DPY19L1: variants seen among roughly 807,000 people sequenced by gnomAD.
DPY19L1 encodes dpy-19 like C-mannosyltransferase 1.
A neutral mutation model predicts 96.9 loss-of-function variants in DPY19L1; 35 were observed. The observed-to-expected ratio is 0.36, with a 90% CI of 0.28 to 0.48. The LOEUF (loss-of-function observed/expected upper bound fraction) is 0.48. Among genes scored for constraint, DPY19L1 ranks in the 20% least tolerant of loss-of-function variants. The probability of loss-of-function intolerance (pLI) is 0.99; values close to 1 mark genes in which losing one functional copy is unlikely to be tolerated. For synonymous variants in DPY19L1, 205 were observed against 252.6 expected, an observed-to-expected ratio of 0.81 and a Z score of 1.79; for missense variants, 521 against 777.9, an observed-to-expected ratio of 0.67 and a Z score of 3.93.
chr7:34,937,441 G>A (rs1365280496), intron 21 of DPY19L1, among the ~76,000 whole-genome samples: 1 of 152,084 alleles, frequency 6.6e-6, no homozygotes, highest in Non-Finnish European at 1.5e-5. Flanking sequence ...TCAGACCCTG[G>A]AAGTCTTTTG....
At position 34,965,454 on chromosome 7, in the gene DPY19L1, C is replaced by G. The variant is rs146252138; in HGVS notation, c.1092+1440G>C. ...AAAATATGTACTATTTAGTAATCCA[C>G]ATATTGTAAAGTTATAAAGAAAAGC... On this transcript the variant is annotated intron_variant, in intron 10 of 21. Transcript: ENST00000638088. Among the ~76,000 whole-genome samples, 329 of 152,168 alleles carry G rather than the reference C, an allele frequency of 2.2e-3. 2 individuals are homozygous for G. Among genetic ancestry groups the G allele is most frequent in the African/African-American group, 7.7e-3 (320 of 41,510 alleles).
At chr7:35,015,437 C>T (rs570123563) in intron 3 of DPY19L1, among the ~76,000 whole-genome samples, 1 of 152,148 alleles carries the variant, frequency 6.6e-6, no homozygotes, top group Non-Finnish European at 1.5e-5. Flanking sequence ...CCTGCCAAAA[C>T]CAAGATGGCA....
Position 35,004,895 on chromosome 7 carries a change from T to C in DPY19L1, c.764+5573A>G, listed in dbSNP as rs545313675. 4.7e-4 allele frequency among the ~76,000 whole-genome samples: 71 copies of C among 152,290 alleles called. 1 individual carries two copies. In the South Asian group the frequency reaches 0.013, roughly 28 times the overall value. On this transcript the variant is annotated intron_variant, in intron 6 of 21. Transcript: ENST00000638088. ...AATAATGAGACACTCCGCAGGGGCA[T>C]TGTTCTGTCTCCCCCAGGATGACTC... is the stretch of plus-strand genomic sequence containing the variant.
chr7:35,019,081 G>GT (rs1785928600), intron 1 of DPY19L1, among the ~76,000 whole-genome samples: 1 of 152,030 alleles, frequency 6.6e-6, no homozygotes, highest in Non-Finnish European at 1.5e-5. Context: ...AGAAGAAAAG[G>GT]TAAGAGAGAG....
intron 6 of DPY19L1, among the ~76,000 whole-genome samples, chr7:34,999,438 C>G (rs781420750): frequency 3.9e-5 from 6 of 152,222 alleles, no homozygotes; most frequent in African/African-American, 7.2e-5. Flanking sequence ...CTGTGACTCT[C>G]TTGGAAATTA....
At chr7:34,940,351 T>C (rs1063284) in intron 18 of DPY19L1, 24 bp from the exon 19 acceptor site, 111 of 1,596,612 alleles carry the variant, frequency 7.0e-5, no homozygotes, top group South Asian at 1.4e-4. Context: ...AAGAATACAT[T>C]GGTAATTGTT....
At chr7:35,004,832 A>C (rs1785514672) in intron 6 of DPY19L1, among the ~76,000 whole-genome samples, 1 of 152,202 alleles carries the variant, frequency 6.6e-6, no homozygotes, top group Non-Finnish European at 1.5e-5. Context: ...AATAAACAAA[A>C]GTCCAAGTAG....
chr7:34,934,066 T>C (rs145365956), intron 21 of DPY19L1, among the ~76,000 whole-genome samples: 1,997 of 152,168 alleles, frequency 0.013, 21 homozygotes, highest in Non-Finnish European at 0.023. Context: ...CAGGTTCACG[T>C]CATTCTCCTG....
At chr7:34,954,214 C>G (rs1429546010) in intron 13 of DPY19L1, among the ~76,000 whole-genome samples, 1 of 151,854 alleles carries the variant, frequency 6.6e-6, no homozygotes, top group Non-Finnish European at 1.5e-5. Flanking sequence ...TCCCTTCTAC[C>G]CTAATACCAA....
At chr7:35,014,225 C>G (rs1399406520) in intron 3 of DPY19L1, among the ~76,000 whole-genome samples, 2 of 152,106 alleles carry the variant, frequency 1.3e-5, no homozygotes, top group African/African-American at 4.8e-5. Context: ...GAATTTCACT[C>G]GGGTGCCACC....
At chr7:34,958,226 C>A (rs1248758212) in intron 10 of DPY19L1, among the ~76,000 whole-genome samples, 156 bp from the exon 11 acceptor site, 2 of 152,154 alleles carry the variant, frequency 1.3e-5, no homozygotes, top group Non-Finnish European at 2.9e-5. Flanking sequence ...CTTCAAACTC[C>A]CAGAGATAAC....
In DPY19L1 at chr7:34,959,632, C is replaced by G. The variant is rs187885891; in HGVS notation, c.1093-1562G>C. ...CACAGGAACAGAAAACCAAACACTG[C>G]ATGTCCTCACTCATAACTGTCAGTT... On this transcript the variant is annotated intron_variant, in intron 10 of 21. Coordinates refer to ENST00000638088, the MANE Select transcript of DPY19L1 (RefSeq NM_001366673.1). 2.3e-3 allele frequency among the ~76,000 whole-genome samples: 348 copies of G among 150,884 alleles called. 1 individual carries two copies. The highest frequency in any genetic ancestry group is 3.7e-3 in the Non-Finnish European group (251 of 67,816).
At chr7:34,947,505 G>C (rs2128783557) in intron 15 of DPY19L1, 125 bp downstream of exon 15, 3 of 680,224 alleles carry the variant, frequency 4.4e-6, no homozygotes, top group South Asian at 3.8e-5. Flanking sequence ...AGAAAACATA[G>C]AATATGTTAC....
upstream of DPY19L1, chr7:35,037,720 C>A (rs1033368838): frequency 5.6e-6 from 4 of 715,258 alleles, no homozygotes; most frequent in South Asian, 1.3e-4. Context: ...CCCCCGCCGC[C>A]CCTCTGCGCC....
Position 34,954,651 on chromosome 7 carries a change from T to C in DPY19L1, c.1320+47A>G, listed in dbSNP as rs766419473. On this transcript the variant is annotated intron_variant, in intron 13 of 21. Transcript: ENST00000638088. ...AATAACTCAATTTATTCTTAGCCTA[T>C]TCGATTCTTTTCAAGTCTTTCAAAT... The C allele has an allele frequency of 2.4e-4, 269 of 1,122,496 alleles. 1 individual carries two copies. The highest frequency in any genetic ancestry group is 3.4e-4 in the Non-Finnish European group (256 of 761,980). 69.5% of individuals were successfully genotyped at this position (1,122,496 alleles called of 1,614,324 possible).
At chr7:34,937,036 C>T (rs1783882813) in intron 21 of DPY19L1, among the ~76,000 whole-genome samples, 1 of 152,192 alleles carries the variant, frequency 6.6e-6, no homozygotes, top group South Asian at 2.1e-4. Context: ...CTGTACTGTG[C>T]TCTTCATGAA....
chr7:35,018,620 T>A, intron 1 of DPY19L1, 24 bp from the exon 2 acceptor site: 2 of 1,597,464 alleles, frequency 1.3e-6, no homozygotes, highest in Non-Finnish European at 1.7e-6. Context: ...GAAATTTAAA[T>A]TAGAATTTTA....
chr7:35,022,443 G>T (rs535551458), intron 1 of DPY19L1, among the ~76,000 whole-genome samples: 3 of 152,266 alleles, frequency 2.0e-5, no homozygotes, highest in African/African-American at 7.2e-5. Context: ...GACTCTCTAG[G>T]ATGCTGCATT....
chr7:34,937,185 A>G (rs1221519518), intron 21 of DPY19L1, among the ~76,000 whole-genome samples: 1 of 152,226 alleles, frequency 6.6e-6, no homozygotes, highest in Admixed American at 6.5e-5. Flanking sequence ...AGCTTAGTAA[A>G]CATCTCTGTG....
Sources: allele counts gnomAD v4.1 joint callset (sites outside exome capture counted in the v4.1 genomes callset), GRCh38; gene constraint gnomAD v4.1.1; transcripts MANE v1.5; gene names NCBI Gene and HGNC (gene_info 2026-07-23, HGNC 2026-07-21).